The following SLC15A5 variants were observed in gnomAD, a reference collection of about 807,000 sequenced individuals.
The protein encoded by SLC15A5 is solute carrier family 15 member 5.
In SLC15A5, 58 loss-of-function variants were observed where a neutral mutation model predicts 56.1. The ratio of observed to expected loss-of-function variants is 1.03; its 90% CI spans 0.84 to 1.29. SLC15A5 has a LOEUF of 1.29. Ranked by LOEUF, SLC15A5 falls within the 50% of genes most tolerant of loss-of-function variation. SLC15A5 has a pLI of 0.00. For synonymous variants in SLC15A5, 264 were observed against 250.5 expected (o/e 1.05, Z -0.51); for missense variants, 681 against 672.1 (o/e 1.01, Z -0.15).
At position 16,194,352 on chromosome 12, in the gene SLC15A5, A is replaced by G; in HGVS notation, c.1585T>C (p.Ser529Pro). ...LLNVLGFCSV[S>P]QRYCNLNHFN... The stretch of plus-strand genomic sequence containing the variant: ...TACCACACACTTACTTACCTTTGTG[A>G]AACACTGCAGAATCCCAGGACGTTC... The change falls in exon 8 of 9, where the codon TCA (serine) becomes CCA (proline). Residue 529 changes from serine to proline, a missense_variant. By Grantham distance (74) the Ser-to-Pro change is moderately conservative. Coordinates refer to ENST00000344941, the MANE Select transcript of SLC15A5 (RefSeq NM_001170798.1). 6.5e-7 allele frequency: 1 copy of G among 1,529,900 alleles called. No individual in the cohort carries two copies. The highest frequency in any genetic ancestry group is 8.8e-7 in the Non-Finnish European group (1 of 1,141,264). 94.8% of individuals were successfully genotyped at this position (1,529,900 alleles called of 1,614,324 possible).
chr12:16,214,471 A>G (rs1430005346), intron 7 of SLC15A5, among the ~76,000 whole-genome samples: 1 of 152,212 alleles, frequency 6.6e-6, no homozygotes, highest in Non-Finnish European at 1.5e-5. Context: ...GACCAACCAC[A>G]TGATCAGACT....
At chr12:16,190,415 C>T (rs1220392628) in intron 8 of SLC15A5, among the ~76,000 whole-genome samples, 1 of 152,098 alleles carries the variant, frequency 6.6e-6, no homozygotes, top group African/African-American at 2.4e-5. Context: ...GGATTTGGAA[C>T]CAGAACTTGA....
intron 7 of SLC15A5, among the ~76,000 whole-genome samples, chr12:16,214,980 G>A (rs570518141): frequency 9.3e-4 from 141 of 151,842 alleles, no homozygotes; most frequent in Middle Eastern, 6.8e-3. Flanking sequence ...CGAGGCGGGC[G>A]GATCACGAGG....
intron 8 of SLC15A5, among the ~76,000 whole-genome samples, chr12:16,193,924 G>A (rs898324932): frequency 6.9e-6 from 1 of 145,570 alleles, no homozygotes; most frequent in Non-Finnish European, 1.5e-5. Flanking sequence ...GGATTTTGTA[G>A]TTTTTTTTAA....
At chr12:16,245,093 C>A (rs1317568350) in intron 3 of SLC15A5, among the ~76,000 whole-genome samples, 2 of 152,188 alleles carry the variant, frequency 1.3e-5, no homozygotes, top group East Asian at 3.9e-4. Context: ...TTAAGGACTT[C>A]AGAATCTCTC....
At chr12:16,250,695 T>C (rs1347778661) in intron 3 of SLC15A5, among the ~76,000 whole-genome samples, 1 of 151,904 alleles carries the variant, frequency 6.6e-6, no homozygotes, top group African/African-American at 2.4e-5. Flanking sequence ...AAAGATACAG[T>C]TGGGTTTATT....
chr12:16,254,959 T>C (rs1442354181), intron 3 of SLC15A5, among the ~76,000 whole-genome samples: 1 of 152,090 alleles, frequency 6.6e-6, no homozygotes, highest in Admixed American at 6.5e-5. Flanking sequence ...CAATAAAATA[T>C]TATATAGTTT....
At chr12:16,231,802 T>A (rs1864302389) in intron 5 of SLC15A5, among the ~76,000 whole-genome samples, 1 of 152,212 alleles carries the variant, frequency 6.6e-6, no homozygotes, top group Admixed American at 6.5e-5. Context: ...ACATCCTCCA[T>A]TCCTATCTGC....
intron 7 of SLC15A5, among the ~76,000 whole-genome samples, chr12:16,195,224 T>G (rs755190562): frequency 6.6e-6 from 1 of 152,170 alleles, no homozygotes; most frequent in Non-Finnish European, 1.5e-5. Flanking sequence ...TGCCTCTGTC[T>G]CTGTCCCTGC....
intron 8 of SLC15A5, 39 bp downstream of exon 8, chr12:16,194,306 G>T (rs1032543253): frequency 1.9e-5 from 25 of 1,338,616 alleles, no homozygotes; most frequent in Non-Finnish European, 2.6e-5. Context: ...AATATTTCAT[G>T]GACTCAGAAA....
chr12:16,194,057 CTTA>C (rs1863870304), intron 8 of SLC15A5, among the ~76,000 whole-genome samples: 1 of 151,906 alleles, frequency 6.6e-6, no homozygotes, highest in Non-Finnish European at 1.5e-5. Flanking sequence ...TTCACTCGTT[CTTA>C]TTATCGATAA....
chr12:16,273,735 A>AT (rs1290357060), intron 1 of SLC15A5, among the ~76,000 whole-genome samples: 12 of 24,430 alleles, frequency 4.9e-4, no homozygotes, highest in Non-Finnish European at 8.1e-4. Context: ...TAGTCAAATA[A>AT]ATTTTTTTTT....
chr12:16,256,322 T>C (rs1179257407), intron 3 of SLC15A5, among the ~76,000 whole-genome samples: 7 of 152,266 alleles, frequency 4.6e-5, no homozygotes, highest in Middle Eastern at 3.4e-3. Context: ...CAATAAAATA[T>C]TGGATTTGGG....
At chr12:16,244,467 G>T in intron 4 of SLC15A5, 113 bp downstream of exon 4, 2 of 937,100 alleles carry the variant, frequency 2.1e-6, no homozygotes, top group Non-Finnish European at 3.2e-6. Context: ...GGGGATAACT[G>T]CCTGCCGACA....
At position 16,251,812 on chromosome 12, in the gene SLC15A5, A is replaced by G. The variant is rs545840001; in HGVS notation, c.754+5889T>C. 3.3e-5 allele frequency among the ~76,000 whole-genome samples: 5 copies of G among 152,028 alleles called. No individual in the cohort carries two copies. The East Asian group carries it at 9.7e-4, about 29-fold the overall frequency. ...TCTAAAAAGAGAAACATTCCCAACT[A>G]TTCTGAGGCCAGCATTACTTTGATA... is the stretch of plus-strand genomic sequence containing the variant. On this transcript the variant is annotated intron_variant, in intron 3 of 8. Transcript: ENST00000344941.
intron 2 of SLC15A5, among the ~76,000 whole-genome samples, chr12:16,264,667 G>A (rs1265101644): frequency 1.3e-5 from 2 of 152,196 alleles, no homozygotes; most frequent in African/African-American, 4.8e-5. Flanking sequence ...GGGACCAGGT[G>A]GGAGATGATA....
In SLC15A5 at chr12:16,193,780, GGAGAGAGAGAGA is replaced by G. The variant is rs766458422; in HGVS notation, c.1592+553_1592+564del. Among the ~76,000 whole-genome samples the G allele has an allele frequency of 4.7e-3, 355 of 75,766 alleles. 20 individuals carry two copies. The highest frequency in any genetic ancestry group is 9.9e-3 in the African/African-American group (194 of 19,558). The allele number at this position is 75,766 out of a possible 152,430, so 49.7% of individuals were successfully genotyped here. On this transcript the variant is annotated intron_variant, in intron 8 of 8. Transcript: ENST00000344941. ...ACAGCTGTCCAAGAATATGTCAAGG[GGAGAGAGAGAGA>G]GAGAGAGAGAGAGAGAGAGAGAGAG...
At chr12:16,265,692 G>T (rs144565391) in intron 2 of SLC15A5, among the ~76,000 whole-genome samples, 5 of 151,632 alleles carry the variant, frequency 3.3e-5, no homozygotes, top group African/African-American at 1.2e-4. Context: ...CATTTTGCCC[G>T]GGCTGGTCTT....
At chr12:16,265,036 A>T (rs943011586) in intron 2 of SLC15A5, among the ~76,000 whole-genome samples, 1 of 152,174 alleles carries the variant, frequency 6.6e-6, no homozygotes, top group Admixed American at 6.6e-5. Flanking sequence ...TCATGGCAAG[A>T]AGTTTGGGTT....
Sources: allele counts gnomAD v4.1 joint callset (sites outside exome capture counted in the v4.1 genomes callset), GRCh38; gene constraint gnomAD v4.1.1; transcripts MANE v1.5; gene names NCBI Gene and HGNC (gene_info 2026-07-23, HGNC 2026-07-21).